Variants in ADGRV1 observed in about 807,000 individuals in gnomAD.
ADGRV1 encodes the protein G-protein coupled receptor 98.
A neutral mutation model predicts 596.2 loss-of-function variants in ADGRV1; 359 were observed. The observed-to-expected ratio is 0.60, with a 90% CI of 0.55 to 0.66. The LOEUF (loss-of-function observed/expected upper bound fraction) is 0.66, where lower values mean the gene tolerates loss of function less well. Among genes scored for constraint, ADGRV1 ranks in the 30% least tolerant of loss-of-function variants. The pLI is 0.00. For missense variants in ADGRV1, 7,274 were observed against 7,575.6 expected, an observed-to-expected ratio of 0.96 and a Z score of 1.48; for synonymous variants, 2,681 against 2,679.2, an observed-to-expected ratio of 1.00 and a Z score of -0.02.
At chr5:90,960,872 G>A (rs1334523944) in intron 83 of ADGRV1, among the ~76,000 whole-genome samples, 2 of 152,112 alleles carry the variant, frequency 1.3e-5, no homozygotes, top group Non-Finnish European at 1.5e-5. Context: ...AGAGTCTTAT[G>A]GAAGATAAAC....
chr5:90,849,455 T>G (rs867727408), intron 79 of ADGRV1, among the ~76,000 whole-genome samples: 4 of 152,124 alleles, frequency 2.6e-5, no homozygotes, highest in Middle Eastern at 3.4e-3. Flanking sequence ...AATGGCGGGG[T>G]CTCGGCTCAC....
chr5:91,012,755 GGT>G (rs1782828150), intron 85 of ADGRV1, among the ~76,000 whole-genome samples: 1 of 151,748 alleles, frequency 6.6e-6, no homozygotes, highest in Non-Finnish European at 1.5e-5. Context: ...TAGGTTCAGG[GGT>G]ACATGTGAAG....
Position 90,759,587 on chromosome 5 carries a change from C to CT in ADGRV1, c.12120dup (p.Val4041CysfsTer4). 9 of 1,611,292 alleles carry CT rather than the reference C, an allele frequency of 5.6e-6. No homozygotes were observed. The highest frequency in any genetic ancestry group is 7.6e-6 in the Non-Finnish European group (9 of 1,177,754). On this transcript the variant is annotated frameshift_variant and splice_region_variant, in exon 58 of 90. Transcript: ENST00000405460. LOFTEE classifies it high-confidence loss of function. Reference sequence around the variant, plus strand: ...GGAGTATTTGGATTTGAAGAAAAGACTGTAAGTTAAACATATCAGGGGAAA... The same window carrying CT: ...GGAGTATTTGGATTTGAAGAAAAGACTTGTAAGTTAAACATATCAGGGGAAA...
At chr5:90,977,184 A>G (rs1163015810) in intron 84 of ADGRV1, among the ~76,000 whole-genome samples, 1 of 152,216 alleles carries the variant, frequency 6.6e-6, no homozygotes, top group Non-Finnish European at 1.5e-5. Flanking sequence ...TAAAAATGAC[A>G]TACCCAGAAA....
chr5:90,872,022 G>A (rs917591595), intron 83 of ADGRV1, among the ~76,000 whole-genome samples: 1 of 152,178 alleles, frequency 6.6e-6, no homozygotes, highest in African/African-American at 2.4e-5. Context: ...ACATGCAGAG[G>A]CCCTTCAGGT....
intron 27 of ADGRV1, among the ~76,000 whole-genome samples, chr5:90,681,698 C>T (rs191577677): frequency 1.3e-5 from 2 of 152,224 alleles, no homozygotes; most frequent in Non-Finnish European, 2.9e-5. Context: ...CATAATGGAG[C>T]TGTACTACAA....
chr5:90,936,699 C>G (rs1775724007), intron 83 of ADGRV1, among the ~76,000 whole-genome samples: 1 of 152,032 alleles, frequency 6.6e-6, no homozygotes, highest in South Asian at 2.1e-4. Flanking sequence ...ATCACCGTAG[C>G]TGCTTTCCAA....
At chr5:90,800,839 A>G (rs1761286722) in intron 70 of ADGRV1, among the ~76,000 whole-genome samples, 1 of 152,112 alleles carries the variant, frequency 6.6e-6, no homozygotes, top group African/African-American at 2.4e-5. Flanking sequence ...ACCAGGCACC[A>G]CGTGTTCTCA....
chr5:90,891,708 T>C (rs984097009), intron 83 of ADGRV1, among the ~76,000 whole-genome samples: 1 of 151,958 alleles, frequency 6.6e-6, no homozygotes, highest in Non-Finnish European at 1.5e-5. Flanking sequence ...TCCTTTCTTT[T>C]CACTTTTAGA....
At position 90,627,578 on chromosome 5, in the gene ADGRV1, T is replaced by G. The variant is rs1373539577; in HGVS notation, c.1040T>G (p.Val347Gly). 1 of 1,613,938 alleles carries G rather than the reference T, an allele frequency of 6.2e-7. No homozygotes were observed. Among genetic ancestry groups the G allele is most frequent in the African/African-American group, 1.3e-5 (1 of 75,050 alleles). Reference sequence around the variant, plus strand: ...GAATCTCACTTGAAATTTCAAATAGTTGATGACACCATACCGGAGATTGCT... The same window carrying G: ...GAATCTCACTTGAAATTTCAAATAGGTGATGACACCATACCGGAGATTGCT... ...IHESHLKFQI[V>G]DDTIPEIAES... is the part of the protein sequence containing the mutation. Residue 347 changes from valine (V) to glycine (G), a missense_variant, in exon 7 of 90, where the codon GTT (valine) becomes GGT (glycine). By Grantham distance (109) the Val-to-Gly change is moderately radical (BLOSUM62 -3). Around this residue, in one of 5 missense-constraint regions of ADGRV1, gnomAD observed 1,715 missense variants for 1,708.8 expected, o/e 1.00. Coordinates refer to ENST00000405460, the MANE Select transcript of ADGRV1 (RefSeq NM_032119.4).
chr5:90,992,832 A>T (rs1781079666), intron 85 of ADGRV1, among the ~76,000 whole-genome samples: 1 of 152,154 alleles, frequency 6.6e-6, no homozygotes, highest in Non-Finnish European at 1.5e-5. Context: ...ATTTTGATAG[A>T]TCTCTTCTAA....
chr5:90,677,606 T>C (rs1744401754), intron 25 of ADGRV1, among the ~76,000 whole-genome samples: 2 of 152,222 alleles, frequency 1.3e-5, no homozygotes, highest in Non-Finnish European at 2.9e-5. Flanking sequence ...TAATTGTACA[T>C]GAAATGTTAT....
intron 10 of ADGRV1, 91 bp downstream of exon 10, chr5:90,635,381 A>T: frequency 8.6e-7 from 1 of 1,168,776 alleles, no homozygotes; most frequent in African/African-American, 1.5e-5. Context: ...TATAGGGTTA[A>T]CATCTTAAAA....
At chr5:90,572,153 C>G (rs1756609365) in intron 1 of ADGRV1, among the ~76,000 whole-genome samples, 2 of 152,134 alleles carry the variant, frequency 1.3e-5, no homozygotes, top group South Asian at 4.2e-4. Context: ...GAAGACTATT[C>G]TGTTGGTAAT....
Position 90,848,782 on chromosome 5 carries a change from C to T in ADGRV1, c.17165C>T (p.Ser5722Phe). The T allele has an allele frequency of 1.3e-6, 2 of 1,588,224 alleles. No homozygotes were observed. Among genetic ancestry groups the T allele is most frequent in the South Asian group, 2.3e-5 (2 of 85,150 alleles). Reference sequence around the variant, plus strand: ...GAAGTGACTGAGAATTTTGCCTTTTCTCTGCTGACTAATGTTACTTGCGGC... The same window carrying T: ...GAAGTGACTGAGAATTTTGCCTTTTTTCTGCTGACTAATGTTACTTGCGGC... The part of the protein sequence containing the change: ...FAEVTENFAF[S>F]LLTNVTCGSP... The change falls in exon 79 of 90, where the codon TCT becomes TTT. Residue 5722 changes from serine to phenylalanine, a missense_variant. Ser to Phe is a radical substitution (Grantham distance 155, BLOSUM62 -2). Coordinates refer to ENST00000405460, the MANE Select transcript of ADGRV1 (RefSeq NM_032119.4).
chr5:91,095,166 G>T lies in ADGRV1; in HGVS notation c.18311-7053G>T, dbSNP rs559578506. 2.0e-5 allele frequency among the ~76,000 whole-genome samples: 3 copies of T among 152,162 alleles called. No homozygotes were observed. In the South Asian group the frequency reaches 6.2e-4, roughly 32 times the overall value. ...GGTTAGGAATGCCAGCTACCCAAATGAGGTGGAGGGTGTTTCTTTGAACAA... is the reference window on the plus strand; with the variant it reads ...GGTTAGGAATGCCAGCTACCCAAATTAGGTGGAGGGTGTTTCTTTGAACAA... On this transcript the variant is annotated intron_variant, in intron 86 of 89. Coordinates refer to ENST00000405460, the MANE Select transcript of ADGRV1 (RefSeq NM_032119.4).
intron 34 of ADGRV1, among the ~76,000 whole-genome samples, chr5:90,700,584 A>G (rs560239825): frequency 6.6e-6 from 1 of 152,242 alleles, no homozygotes; most frequent in South Asian, 2.1e-4. Flanking sequence ...TCTCTCAGTC[A>G]CCCAGCTGAG....
At chr5:90,855,182 G>C (rs1037322922) in intron 81 of ADGRV1, among the ~76,000 whole-genome samples, 2 of 152,012 alleles carry the variant, frequency 1.3e-5, no homozygotes, top group African/African-American at 4.8e-5. Context: ...ATTATGACAT[G>C]GTTTTTCTGC....
chr5:90,979,812 A>G (rs1202824405), intron 84 of ADGRV1, among the ~76,000 whole-genome samples: 8 of 152,228 alleles, frequency 5.3e-5, no homozygotes, highest in African/African-American at 2.4e-5. Flanking sequence ...AGAGAAGCCA[A>G]GTGAAATTGG....
Sources: allele counts gnomAD v4.1 joint callset (sites outside exome capture counted in the v4.1 genomes callset), GRCh38; gene constraint gnomAD v4.1.1; regional missense constraint gnomAD v4.1.1; transcripts MANE v1.5; gene names NCBI Gene and HGNC (gene_info 2026-07-23, HGNC 2026-07-21).